The following TWIST2 variants were observed in gnomAD, a reference collection of about 807,000 sequenced individuals.
TWIST2 encodes the protein twist family bHLH transcription factor 2.
A neutral mutation model predicts 11.6 loss-of-function variants in TWIST2; 1 was observed. The ratio of observed to expected loss-of-function variants is 0.09; its 90% CI spans 0.03 to 0.41. TWIST2 has a LOEUF of 0.41. TWIST2 is among the 10% of genes least tolerant of loss of function. TWIST2 has a pLI of 0.98. For missense variants in TWIST2, 168 were observed against 226.4 expected (o/e 0.74, Z 1.66); for synonymous variants, 87 against 96.6 (o/e 0.90, Z 0.58).
intron 1 of TWIST2, among the ~76,000 whole-genome samples, chr2:238,884,786 G>A (rs777326594): frequency 1.5e-4 from 23 of 152,226 alleles, no homozygotes; most frequent in Admixed American, 2.6e-4. Context: ...AGCACAGGGA[G>A]CCTTCCGGAA....
At chr2:238,855,553 T>G (rs1305410763) in intron 1 of TWIST2, among the ~76,000 whole-genome samples, 1 of 152,212 alleles carries the variant, frequency 6.6e-6, no homozygotes, top group Non-Finnish European at 1.5e-5. Context: ...TCGCATTCCT[T>G]GTTTTCTGTC....
At chr2:238,883,825 C>G (rs575188781) in intron 1 of TWIST2, among the ~76,000 whole-genome samples, 1 of 152,100 alleles carries the variant, frequency 6.6e-6, no homozygotes, top group Non-Finnish European at 1.5e-5. Context: ...TGCTGGTTTC[C>G]CAGCTGTAAG....
chr2:238,900,043 T>C (rs878899379), intron 1 of TWIST2, among the ~76,000 whole-genome samples: 54,381 of 152,028 alleles, frequency 0.36, 9,883 homozygotes, highest in Middle Eastern at 0.49. Context: ...TAGTTTAATA[T>C]AGATGGGAAT....
At chr2:238,885,430 T>C (rs1693016485) in intron 1 of TWIST2, among the ~76,000 whole-genome samples, 2 of 152,236 alleles carry the variant, frequency 1.3e-5, no homozygotes, top group African/African-American at 4.8e-5. Flanking sequence ...AGCCCAGAAA[T>C]GTACACTGAT....
chr2:238,871,173 A>C (rs1174370764), intron 1 of TWIST2, among the ~76,000 whole-genome samples: 9 of 7,176 alleles, frequency 1.3e-3, no homozygotes, highest in Admixed American at 3.8e-3. Flanking sequence ...CCACACACAC[A>C]CCACACACCC....
intron 1 of TWIST2, among the ~76,000 whole-genome samples, chr2:238,879,062 G>T (rs966826602): frequency 3.9e-5 from 6 of 152,248 alleles, no homozygotes; most frequent in African/African-American, 1.2e-4. Context: ...ATACAGAGAA[G>T]AATCCAGCGA....
intron 1 of TWIST2, among the ~76,000 whole-genome samples, chr2:238,887,851 C>G (rs1403612040): frequency 1.3e-5 from 2 of 152,238 alleles, no homozygotes; most frequent in African/African-American, 4.8e-5. Flanking sequence ...ACGACTGCTG[C>G]ATGAACCTCC....
intron 1 of TWIST2, among the ~76,000 whole-genome samples, chr2:238,903,006 TGAG>T (rs1693294699): frequency 1.4e-4 from 1 of 6,986 alleles, no homozygotes. Flanking sequence ...GTGCGTGATG[TGAG>T]GTGTGTGTGA....
chr2:238,867,370 A>AACACAC lies in TWIST2; in HGVS notation c.*35+18674_*35+18679dup, dbSNP rs1229428285. 0.17 allele frequency among the ~76,000 whole-genome samples: 20,333 copies of AACACAC among 119,462 alleles called. 1,923 individuals are homozygous for AACACAC. The highest frequency in any genetic ancestry group is 0.18 in the Admixed American group (2,046 of 11,288). The allele number at this position is 119,462 out of a possible 152,430, so 78.4% of individuals were successfully genotyped here. On this transcript the variant is annotated intron_variant, in intron 1 of 1. Transcript: ENST00000612363. This position sits in a 1 kb window ranked among gnomAD's most constrained non-coding sequence, Gnocchi z 4.8. ...CTGGGGAGTAAAATGTCCTGCCTTCAACACACACACACACACACACACACA... is the reference window on the plus strand; with the variant it reads ...CTGGGGAGTAAAATGTCCTGCCTTCAACACACACACACACACACACACACACACACA...
chr2:238,880,146 A>G (rs978629361), intron 1 of TWIST2, among the ~76,000 whole-genome samples: 5 of 152,024 alleles, frequency 3.3e-5, no homozygotes, highest in East Asian at 3.8e-4. Flanking sequence ...TGTTAGTGTT[A>G]GTGTTAGTAT....
chr2:238,855,721 G>A (rs980371770), intron 1 of TWIST2, among the ~76,000 whole-genome samples: 1 of 152,134 alleles, frequency 6.6e-6, no homozygotes, highest in African/African-American at 2.4e-5. Context: ...GAGGAAGAAC[G>A]AGAAGCCCAC....
intron 1 of TWIST2, among the ~76,000 whole-genome samples, chr2:238,877,240 T>C (rs2106362734): frequency 6.6e-6 from 1 of 152,256 alleles, no homozygotes; most frequent in East Asian, 1.9e-4. Context: ...AAGTCTTTTG[T>C]ATAAAAGTCA....
rs1213765346 is a variant in TWIST2, at chr2:238,886,915, T to C, written c.*36-22927T>C. 2.6e-5 allele frequency: 4 copies of C among 152,164 alleles called. No individual in the cohort carries two copies. The East Asian group carries it at 5.8e-4, about 22-fold the overall frequency. 9.4% of individuals were successfully genotyped at this position (152,164 alleles called of 1,614,324 possible). Reference sequence around the variant, plus strand: ...AGCACATTAGCAATGGCTAAGAACATGCTTGAATCATTTGTAACAACCCAG... The same window carrying C: ...AGCACATTAGCAATGGCTAAGAACACGCTTGAATCATTTGTAACAACCCAG... On this transcript the variant is annotated intron_variant, in intron 1 of 1. Coordinates refer to ENST00000612363, the MANE Select transcript of TWIST2 (RefSeq NM_001271893.4).
At chr2:238,874,542 C>T (rs1036536938) in intron 1 of TWIST2, among the ~76,000 whole-genome samples, 1 of 152,200 alleles carries the variant, frequency 6.6e-6, no homozygotes, top group Admixed American at 6.5e-5. Flanking sequence ...TTGGACGACT[C>T]TCTCCCTGGT....
At chr2:238,882,352 C>G (rs1408865214) in intron 1 of TWIST2, among the ~76,000 whole-genome samples, 2 of 152,188 alleles carry the variant, frequency 1.3e-5, no homozygotes, top group African/African-American at 2.4e-5. Context: ...GGACCCAAAA[C>G]CTCTGAGACC....
At chr2:238,848,818 C>T (rs1692183597) in intron 1 of TWIST2, 85 bp downstream of exon 1, 2 of 1,119,842 alleles carry the variant, frequency 1.8e-6, no homozygotes, top group Non-Finnish European at 2.3e-6. Context: ...GCTCGTGTCT[C>T]CTCGGCGAGG....
At position 238,873,573 on chromosome 2, in the gene TWIST2, G is replaced by A. The variant is rs1008189099; in HGVS notation, c.*35+24840G>A. 2.6e-5 allele frequency among the ~76,000 whole-genome samples: 4 copies of A among 152,290 alleles called. No homozygotes were observed. In the South Asian group the frequency reaches 6.2e-4, roughly 24 times the overall value. On this transcript the variant is annotated intron_variant, in intron 1 of 1. Coordinates refer to ENST00000612363, the MANE Select transcript of TWIST2 (RefSeq NM_001271893.4). ...CATGAGCGCACACAAGAGCTACGGGGTCCTGCTGAGTGAGATGTTCTCAGG... is the reference window on the plus strand; with the variant it reads ...CATGAGCGCACACAAGAGCTACGGGATCCTGCTGAGTGAGATGTTCTCAGG...
Position 238,863,965 on chromosome 2 carries a change from G to C in TWIST2, c.*35+15232G>C, listed in dbSNP as rs561128326. ...AACCTACAGGGAGGAAGCACCAGGC[G>C]GCACCTCCCCAGAGGCTGGAGACCA... On this transcript the variant is annotated intron_variant, in intron 1 of 1. Transcript: ENST00000612363. This position sits in a 1 kb window ranked among gnomAD's most constrained non-coding sequence, Gnocchi z 4.7. Among the ~76,000 whole-genome samples the C allele has an allele frequency of 6.6e-6, 1 of 152,034 alleles. No homozygotes were observed. The highest frequency in any genetic ancestry group is 1.5e-5 in the Non-Finnish European group (1 of 68,016).
chr2:238,874,587 A>G (rs1692770189), intron 1 of TWIST2, among the ~76,000 whole-genome samples: 1 of 152,188 alleles, frequency 6.6e-6, no homozygotes, highest in Non-Finnish European at 1.5e-5. Flanking sequence ...CCTCCTGGCC[A>G]CTAAAAATCT....
Sources: allele counts gnomAD v4.1 joint callset (sites outside exome capture counted in the v4.1 genomes callset), GRCh38; gene constraint gnomAD v4.1.1; non-coding constraint Gnocchi (gnomAD v3.1); transcripts MANE v1.5; gene names NCBI Gene and HGNC (gene_info 2026-07-23, HGNC 2026-07-21).